The following E2F3 variants were observed in gnomAD, a reference collection of about 807,000 sequenced individuals.
E2F3 encodes transcription factor E2F3.
In E2F3, 11 loss-of-function variants were observed where a neutral mutation model predicts 44.4. That is an observed-to-expected ratio of 0.25 (90% confidence interval 0.16 to 0.41). The LOEUF (loss-of-function observed/expected upper bound fraction) is 0.41. Ranked by LOEUF, E2F3 falls within the 10% of genes least tolerant of loss-of-function variation. The pLI is 1.00. For synonymous variants in E2F3, 249 were observed against 253.0 expected, an observed-to-expected ratio of 0.98 and a Z score of 0.15; for missense variants, 487 against 583.6, an observed-to-expected ratio of 0.83 and a Z score of 1.70.
chr6:20,413,812 A>AT lies in E2F3; in HGVS notation c.393+11188dup, dbSNP rs552999205. 1.0e-3 allele frequency among the ~76,000 whole-genome samples: 154 copies of AT among 152,334 alleles called. 1 individual carries two copies. Among genetic ancestry groups the AT allele is most frequent in the African/African-American group, 3.6e-3 (150 of 41,584 alleles). ...TTAGAGTACGGGCGCTATTGAGTTG[A>AT]TGAGTCTGGAAGCAGGATGGCAACA... On this transcript the variant is annotated intron_variant, in intron 1 of 6. Transcript: ENST00000346618.
At chr6:20,428,015 C>G (rs1760271549) in intron 1 of E2F3, among the ~76,000 whole-genome samples, 1 of 152,134 alleles carries the variant, frequency 6.6e-6, no homozygotes, top group South Asian at 2.1e-4. Context: ...CCTTGAAGCT[C>G]TCGCAGGGAC....
rs562002431 is a variant in E2F3, at chr6:20,472,068, A to T, written c.394-7778A>T. ...CACACACACACACACACACACACAC[A>T]CTCACATCTATCCCTTCTGCAGGTT... is the stretch of plus-strand genomic sequence containing the variant. On this transcript the variant is annotated intron_variant, in intron 1 of 6. Coordinates refer to ENST00000346618, the MANE Select transcript of E2F3 (RefSeq NM_001949.5). 3.4e-5 allele frequency among the ~76,000 whole-genome samples: 5 copies of T among 147,630 alleles called. No individual in the cohort carries two copies. The South Asian group carries it at 6.5e-4, about 19-fold the overall frequency.
Position 20,491,006 on chromosome 6 carries a change from T to A in E2F3, c.*576T>A, listed in dbSNP as rs1762539263. On this transcript the variant is annotated 3_prime_UTR_variant, in exon 7 of 7. Transcript: ENST00000346618. ...TCATAATTCAGTTTAAGCTATGAAC[T>A]GTGTGTCCCAGTAGGAGGTCAAGAA... 4.4e-6 allele frequency: 1 copy of A among 228,994 alleles called. No individual in the cohort carries two copies. The highest frequency in any genetic ancestry group is 8.7e-6 in the Non-Finnish European group (1 of 115,168). 14.2% of individuals were successfully genotyped at this position (228,994 alleles called of 1,614,324 possible). A position where few individuals can be genotyped will look rare whatever the true frequency, so the allele number is the denominator to read the frequency against.
At chr6:20,469,583 AAGTC>A (rs1761824412) in intron 1 of E2F3, among the ~76,000 whole-genome samples, 1 of 152,226 alleles carries the variant, frequency 6.6e-6, no homozygotes, top group African/African-American at 2.4e-5. Context: ...CAAAAGTTCT[AAGTC>A]AGTGAGATTG....
intron 1 of E2F3, among the ~76,000 whole-genome samples, chr6:20,470,704 T>C (rs1056864792): frequency 1.2e-4 from 18 of 152,248 alleles, no homozygotes; most frequent in Admixed American, 6.5e-5. Flanking sequence ...TGATCTCCTA[T>C]TAACTAGGGA....
At chr6:20,429,514 G>A (rs541295121) in intron 1 of E2F3, among the ~76,000 whole-genome samples, 6 of 152,238 alleles carry the variant, frequency 3.9e-5, no homozygotes, top group Admixed American at 3.3e-4. Flanking sequence ...TACTATCTGA[G>A]GTTTCAGGCC....
Position 20,402,126 on chromosome 6 carries a change from G to A in E2F3, c.-107G>A. The A allele has an allele frequency of 7.0e-7, 1 of 1,431,784 alleles. No individual in the cohort carries two copies. 88.7% of individuals were successfully genotyped at this position (1,431,784 alleles called of 1,614,324 possible). A position where few individuals can be genotyped will look rare whatever the true frequency, so the allele number is the denominator to read the frequency against. ...GAGAGGGGGCTCGGAAGCGCCGGGCGGGGAGGAGAGAAGGAGGAGAGACTT... is the reference window on the plus strand; with the variant it reads ...GAGAGGGGGCTCGGAAGCGCCGGGCAGGGAGGAGAGAAGGAGGAGAGACTT... On this transcript the variant is annotated 5_prime_UTR_variant, in exon 1 of 7. Coordinates refer to ENST00000346618, the MANE Select transcript of E2F3 (RefSeq NM_001949.5). This position sits in a 1 kb window ranked among gnomAD's most constrained non-coding sequence, Gnocchi z 5.6.
chr6:20,483,126 A>G (rs1307027137), intron 4 of E2F3, among the ~76,000 whole-genome samples: 1 of 152,178 alleles, frequency 6.6e-6, no homozygotes, highest in Non-Finnish European at 1.5e-5. Context: ...TTATGGTAAG[A>G]TAGTCACCAA....
intron 1 of E2F3, among the ~76,000 whole-genome samples, chr6:20,431,432 G>A (rs1157061927): frequency 6.6e-6 from 1 of 152,154 alleles, no homozygotes; most frequent in East Asian, 1.9e-4. Flanking sequence ...ACGGTGTCCT[G>A]CCTCAGGTGC....
At chr6:20,467,874 T>C (rs1485635924) in intron 1 of E2F3, among the ~76,000 whole-genome samples, 1 of 151,696 alleles carries the variant, frequency 6.6e-6, no homozygotes, top group African/African-American at 2.4e-5. Flanking sequence ...TGCCACTCCA[T>C]ACCATGGGTA....
chr6:20,439,714 G>T (rs1760708986), intron 1 of E2F3, among the ~76,000 whole-genome samples: 1 of 152,034 alleles, frequency 6.6e-6, no homozygotes, highest in Non-Finnish European at 1.5e-5. Context: ...AAATTTCTTT[G>T]TAGAGAGGGG....
At chr6:20,431,514 G>T (rs1479813539) in intron 1 of E2F3, among the ~76,000 whole-genome samples, 1 of 152,070 alleles carries the variant, frequency 6.6e-6, no homozygotes, top group East Asian at 1.9e-4. Flanking sequence ...TGAGTCGGAG[G>T]GGGGTCAACA....
At chr6:20,474,097 G>T (rs1350688674) in intron 1 of E2F3, among the ~76,000 whole-genome samples, 12 of 151,532 alleles carry the variant, frequency 7.9e-5, no homozygotes, top group African/African-American at 1.9e-4. Context: ...GGGTTTTGTG[G>T]TTTTTTTTCG....
At chr6:20,411,546 C>T (rs952346892) in intron 1 of E2F3, among the ~76,000 whole-genome samples, 1 of 152,206 alleles carries the variant, frequency 6.6e-6, no homozygotes, top group South Asian at 2.1e-4. Flanking sequence ...CCACCTTTTC[C>T]TGCCATCAAG....
At chr6:20,450,501 G>C (rs1260586580) in intron 1 of E2F3, among the ~76,000 whole-genome samples, 4 of 152,030 alleles carry the variant, frequency 2.6e-5, no homozygotes, top group African/African-American at 9.7e-5. Context: ...ATTTGTTTAA[G>C]TTTCTTACCG....
At chr6:20,408,746 GC>G (rs1759571549) in intron 1 of E2F3, among the ~76,000 whole-genome samples, 1 of 152,174 alleles carries the variant, frequency 6.6e-6, no homozygotes, top group Non-Finnish European at 1.5e-5. Context: ...AGAATTGGCA[GC>G]TGATGGAATA....
Position 20,402,611 on chromosome 6 carries a change from G to T in E2F3, c.379G>T (p.Gly127Cys), listed in dbSNP as rs767441139. Residue 127 changes from glycine (G) to cysteine (C), a missense_variant, in exon 1 of 7, where the codon GGC becomes TGC. Around this residue, in one of 3 missense-constraint regions of E2F3, gnomAD observed 238 missense variants for 236.0 expected, o/e 1.01. Transcript: ENST00000346618. This position sits in a 1 kb window ranked among gnomAD's most constrained non-coding sequence, Gnocchi z 5.6. ...PALGRGGSGG[G>C]GGPPAKRRLE... ...GCTGGGACGCGGCGGCAGCGGCGGCGGCGGCGGCCCTCCGGTAATACCCTC... is the reference window on the plus strand; with the variant it reads ...GCTGGGACGCGGCGGCAGCGGCGGCTGCGGCGGCCCTCCGGTAATACCCTC... 3 of 1,341,094 alleles carry T rather than the reference G, an allele frequency of 2.2e-6. No homozygotes were observed. The highest frequency in any genetic ancestry group is 1.9e-6 in the Non-Finnish European group (2 of 1,054,888). The allele number at this position is 1,341,094 out of a possible 1,614,324, so 83.1% of individuals were successfully genotyped here.
At chr6:20,483,926 C>T (rs2127623605) in intron 4 of E2F3, among the ~76,000 whole-genome samples, 1 of 152,318 alleles carries the variant, frequency 6.6e-6, no homozygotes, top group South Asian at 2.1e-4. Context: ...GTTTTTCAAA[C>T]CTGCAATTGT....
intron 5 of E2F3, among the ~76,000 whole-genome samples, chr6:20,487,662 A>G (rs1163563029): frequency 6.6e-6 from 1 of 152,214 alleles, no homozygotes; most frequent in Non-Finnish European, 1.5e-5. Flanking sequence ...TGCTATTTTC[A>G]GAATGACTCC....
Sources: gnomAD v4.1 joint callset for allele counts (sites outside exome capture counted in the v4.1 genomes callset) on GRCh38, gnomAD v4.1.1 for gene constraint, gnomAD v4.1.1 regional missense constraint, Gnocchi (gnomAD v3.1) non-coding constraint, MANE v1.5 for transcripts, NCBI Gene and HGNC (gene_info 2026-07-23, HGNC 2026-07-21) for gene names.